Variants in PITPNM3 observed in about 807,000 individuals in gnomAD.
The protein encoded by PITPNM3 is PITPNM family member 3, also known as membrane-associated phosphatidylinositol transfer protein 3.
Under a neutral mutation model 102.0 loss-of-function variants are expected in PITPNM3, and 26 were observed. The observed-to-expected ratio is 0.25, with a 90% CI of 0.19 to 0.35. The LOEUF is 0.35. Among genes scored for constraint, PITPNM3 ranks in the 10% least tolerant of loss-of-function variants. The pLI, the probability that PITPNM3 is intolerant of heterozygous loss-of-function variation, is 1.00. For missense variants in PITPNM3, 1,083 were observed against 1,346.1 expected (o/e 0.80, Z 3.06); for synonymous variants, 578 against 558.6 (o/e 1.03, Z -0.49).
chr17:6,499,259 G>T (rs1409276540), intron 4 of PITPNM3, among the ~76,000 whole-genome samples: 1 of 152,192 alleles, frequency 6.6e-6, no homozygotes, highest in African/African-American at 2.4e-5. Flanking sequence ...GGCTGGGGCT[G>T]CCTGGCAGCC....
intron 4 of PITPNM3, among the ~76,000 whole-genome samples, chr17:6,490,782 C>G (rs1906411372): frequency 6.6e-6 from 1 of 150,984 alleles, no homozygotes; most frequent in African/African-American, 2.4e-5. Context: ...CTGGTGAAAC[C>G]CTGTCTACTA....
At chr17:6,463,933 C>T (rs183675481) in intron 16 of PITPNM3, 52 bp from the exon 17 acceptor site, 90 of 1,607,020 alleles carry the variant, frequency 5.6e-5, no homozygotes, top group East Asian at 4.5e-4. Flanking sequence ...AGACGTTAGC[C>T]GGAATCCAGA....
At chr17:6,461,227 G>A (rs1567659164) in intron 18 of PITPNM3, 146 bp downstream of exon 18, 1 of 994,218 alleles carries the variant, frequency 1.0e-6, no homozygotes, top group Non-Finnish European at 1.5e-6. Context: ...TCACAGGGCT[G>A]CTAGAGGGCC....
At chr17:6,553,871 G>C (rs540346829) in intron 1 of PITPNM3, among the ~76,000 whole-genome samples, 2 of 152,254 alleles carry the variant, frequency 1.3e-5, no homozygotes, top group Admixed American at 6.5e-5. Context: ...TTCCCCAGCT[G>C]TGAAGAAAGA....
Position 6,474,478 on chromosome 17 carries a change from C to T in PITPNM3, c.1212G>A (p.Leu404=), listed in dbSNP as rs1482496566. ...VSDFFLFGSP[L]GLVLAMRRTV... ...TCCTCCGCATGGCCAGGACCAGGCCCAGTGGCGAGCCGAAGAGGAAGAAGT... is the reference window on the plus strand; with the variant it reads ...TCCTCCGCATGGCCAGGACCAGGCCTAGTGGCGAGCCGAAGAGGAAGAAGT... Residue 404 remains leucine, a synonymous_variant, in exon 10 of 20, where the codon CTG becomes CTA. Transcript: ENST00000262483. The T allele has an allele frequency of 6.2e-7, 1 of 1,613,534 alleles. No homozygotes were observed. The highest frequency in any genetic ancestry group is 8.5e-7 in the Non-Finnish European group (1 of 1,179,952).
chr17:6,541,653 G>A (rs1305059943), intron 1 of PITPNM3, among the ~76,000 whole-genome samples: 1 of 152,070 alleles, frequency 6.6e-6, no homozygotes, highest in Non-Finnish European at 1.5e-5. Context: ...CCTGGGGGAG[G>A]GGACCACAAG....
intron 2 of PITPNM3, among the ~76,000 whole-genome samples, chr17:6,534,920 G>C (rs1453521413): frequency 6.6e-6 from 1 of 152,134 alleles, no homozygotes; most frequent in Non-Finnish European, 1.5e-5. Flanking sequence ...CCCAGGAGTT[G>C]GCTGCAAGTA....
chr17:6,518,589 A>C (rs980928206), intron 3 of PITPNM3, among the ~76,000 whole-genome samples: 1 of 152,236 alleles, frequency 6.6e-6, no homozygotes, highest in Non-Finnish European at 1.5e-5. Flanking sequence ...AGGAAGTAGA[A>C]GGAAATAATT....
chr17:6,555,321 G>A lies in PITPNM3; in HGVS notation c.22+1064C>T, dbSNP rs539570889. 5.9e-5 allele frequency among the ~76,000 whole-genome samples: 9 copies of A among 152,310 alleles called. No individual in the cohort carries two copies. In the East Asian group the frequency reaches 9.7e-4, roughly 16 times the overall value. ...AGACGGGTCCGCAGCCCAGGGTCCC[G>A]GGCAGCTTTCGGGCTTGGGGGTGGA... On this transcript the variant is annotated intron_variant, in intron 1 of 19. Coordinates refer to ENST00000262483, the MANE Select transcript of PITPNM3 (RefSeq NM_031220.4).
Position 6,463,798 on chromosome 17 carries a change from A to C in PITPNM3, c.2240T>G (p.Phe747Cys). The part of the protein sequence containing the change: ...ECVVFSIDGS[F>C]AASVSIMGSD... ...TCCCATGATAGACACGCTGGCCGCG[A>C]AGGACCCATCAATGCTGAACACTAC... The change falls in exon 17 of 20, where the codon TTC becomes TGC. Residue 747 changes from phenylalanine to cysteine, a missense_variant. Coordinates refer to ENST00000262483, the MANE Select transcript of PITPNM3 (RefSeq NM_031220.4). The C allele has an allele frequency of 6.2e-7, 1 of 1,613,454 alleles. No individual in the cohort carries two copies. Among genetic ancestry groups the C allele is most frequent in the Non-Finnish European group, 8.5e-7 (1 of 1,179,960 alleles).
chr17:6,553,945 T>C (rs1346736488), intron 1 of PITPNM3, among the ~76,000 whole-genome samples: 3 of 152,128 alleles, frequency 2.0e-5, no homozygotes, highest in Non-Finnish European at 2.9e-5. Flanking sequence ...TCTTCACAGA[T>C]GTTGCCAATG....
At chr17:6,535,768 A>T (rs1909381280) in intron 2 of PITPNM3, among the ~76,000 whole-genome samples, 1 of 151,934 alleles carries the variant, frequency 6.6e-6, no homozygotes, top group African/African-American at 2.4e-5. Context: ...AAAATAAAAA[A>T]AAAAATTAGC....
intron 3 of PITPNM3, chr17:6,521,393 C>T (rs200340360): frequency 2.0e-5 from 3 of 152,152 alleles, no homozygotes; most frequent in East Asian, 3.9e-4. Flanking sequence ...GCCTGGGTGA[C>T]AAAGCGAGAC....
chr17:6,461,962 A>T (rs917857477), intron 17 of PITPNM3, among the ~76,000 whole-genome samples: 1 of 151,530 alleles, frequency 6.6e-6, no homozygotes, highest in Admixed American at 6.6e-5. Flanking sequence ...TCTCATCCTT[A>T]GCTCGGGCCC....
intron 2 of PITPNM3, among the ~76,000 whole-genome samples, chr17:6,532,730 A>T (rs1275818692): frequency 6.6e-6 from 1 of 152,074 alleles, no homozygotes; most frequent in Non-Finnish European, 1.5e-5. Flanking sequence ...GGGCGTTTTC[A>T]GTGTGGGGCT....
intron 4 of PITPNM3, among the ~76,000 whole-genome samples, chr17:6,498,524 G>A (rs9898299): frequency 0.32 from 48,450 of 152,166 alleles, 8,896 homozygotes; most frequent in Middle Eastern, 0.56. Flanking sequence ...CAGAGTGGGT[G>A]AGATGGGAAG....
chr17:6,521,950 T>C (rs1177697082), intron 3 of PITPNM3, among the ~76,000 whole-genome samples: 1 of 152,180 alleles, frequency 6.6e-6, no homozygotes. Flanking sequence ...AGAACCTTCT[T>C]TGCGGAAGCG....
chr17:6,499,491 G>C (rs1907040375), intron 4 of PITPNM3, among the ~76,000 whole-genome samples: 1 of 152,164 alleles, frequency 6.6e-6, no homozygotes. Context: ...GGCAGCCGCA[G>C]GACCAGTAGA....
rs746477847 is a variant in PITPNM3 at position 6,469,455 on chromosome 17, C to G, written c.1773+805G>C. The stretch of plus-strand genomic sequence containing the variant: ...AAACAAAACTCACTTTCCTCCGCCC[C>G]CTGCCCAGCCCTGCTCTTCCGCACG... On this transcript the variant is annotated intron_variant, in intron 13 of 19. Transcript: ENST00000262483. This position sits in a 1 kb window ranked among gnomAD's most constrained non-coding sequence, Gnocchi z 4.0. Among the ~76,000 whole-genome samples the G allele has an allele frequency of 2.0e-5, 3 of 152,108 alleles. No individual in the cohort carries two copies. The highest frequency in any genetic ancestry group is 4.4e-5 in the Non-Finnish European group (3 of 68,022).
Sources: allele counts gnomAD v4.1 joint callset (sites outside exome capture counted in the v4.1 genomes callset), GRCh38; gene constraint gnomAD v4.1.1; non-coding constraint Gnocchi (gnomAD v3.1); transcripts MANE v1.5; gene names NCBI Gene and HGNC (gene_info 2026-07-23, HGNC 2026-07-21).